The following GALK2 variants were observed in gnomAD, a reference collection of about 807,000 sequenced individuals.
GALK2 encodes the protein galactokinase 2.
GALK2 carries 36 observed loss-of-function variants against 52.4 expected under a neutral mutation model. The observed-to-expected ratio is 0.69, with a 90% CI of 0.53 to 0.91. The LOEUF is 0.91. Among genes scored for constraint, GALK2 ranks in the 40% least tolerant of loss-of-function variants. GALK2 has a pLI of 0.00. For synonymous variants in GALK2, 176 were observed against 199.1 expected (o/e 0.88, Z 0.98); for missense variants, 579 against 559.1 (o/e 1.04, Z -0.36).
chr15:49,163,460 C>T (rs1289405154), intron 1 of GALK2, among the ~76,000 whole-genome samples: 1 of 151,906 alleles, frequency 6.6e-6, no homozygotes, highest in Non-Finnish European at 1.5e-5. Context: ...ATAGTTTTAC[C>T]TCTTCCATTT....
intron 9 of GALK2, among the ~76,000 whole-genome samples, chr15:49,326,550 T>C (rs1315495848): frequency 1.3e-5 from 2 of 152,110 alleles, no homozygotes; most frequent in Admixed American, 1.3e-4. Flanking sequence ...GCACCCGGCA[T>C]GACAACCATT....
At chr15:49,366,595 C>T in intron 3 of GALK2, 1 of 1,600,686 alleles carries the variant, frequency 6.2e-7, no homozygotes, top group Non-Finnish European at 8.6e-7. Context: ...CAGACGCATG[C>T]AAGATTGCTT....
intron 3 of GALK2, chr15:49,366,506 G>A (rs1358696805): frequency 1.2e-5 from 16 of 1,316,476 alleles, no homozygotes; most frequent in African/African-American, 1.4e-5. Context: ...ACTAATGGAA[G>A]TTGCATTTTC....
intron 3 of GALK2, among the ~76,000 whole-genome samples, chr15:49,223,846 A>G (rs2089973592): frequency 6.6e-6 from 1 of 151,102 alleles, no homozygotes; most frequent in South Asian, 2.1e-4. Flanking sequence ...GCTTCAATGA[A>G]CATATGAGTG....
rs111322935 is a variant in GALK2, at chr15:49,203,979, G to A, written c.142+2729G>A. Among the ~76,000 whole-genome samples, 1,515 of 152,034 alleles carry A rather than the reference G, an allele frequency of 1.0e-2. 21 individuals carry two copies. The highest frequency in any genetic ancestry group is 0.035 in the African/African-American group (1,454 of 41,432). ...AAAATACAAAAATTAGCTGGGTGTGGTGGCACACACCTGTAATCCCAGCTA... is the reference window on the plus strand; with the variant it reads ...AAAATACAAAAATTAGCTGGGTGTGATGGCACACACCTGTAATCCCAGCTA... On this transcript the variant is annotated intron_variant, in intron 2 of 9. Coordinates refer to ENST00000560031, the MANE Select transcript of GALK2 (RefSeq NM_002044.4).
At chr15:49,157,056 A>G (rs2084481786) in intron 1 of GALK2, among the ~76,000 whole-genome samples, 2 of 152,350 alleles carry the variant, frequency 1.3e-5, no homozygotes, top group South Asian at 4.1e-4. Context: ...GGCATATTTC[A>G]TATGTACATG....
chr15:49,200,249 G>A (rs2087622261), intron 1 of GALK2, among the ~76,000 whole-genome samples: 1 of 152,098 alleles, frequency 6.6e-6, no homozygotes, highest in Non-Finnish European at 1.5e-5. Flanking sequence ...AGGGAAGAGA[G>A]GCCAAGAGAA....
At chr15:49,225,132 G>T in intron 3 of GALK2, 1 of 446,976 alleles carries the variant, frequency 2.2e-6, no homozygotes, top group South Asian at 1.6e-5. Flanking sequence ...GACCCTCTCA[G>T]CAGGTCTGTT....
At chr15:49,194,996 C>A in intron 1 of GALK2, 1 of 387,914 alleles carries the variant, frequency 2.6e-6, no homozygotes, top group Non-Finnish European at 5.0e-6. Context: ...TGTAAATTAA[C>A]TTTGGGAGAA....
intron 2 of GALK2, among the ~76,000 whole-genome samples, chr15:49,202,119 T>C (rs2087834034): frequency 6.6e-6 from 1 of 152,214 alleles, no homozygotes; most frequent in African/African-American, 2.4e-5. Context: ...TTCTCCTGCC[T>C]CAGCCTCCCG....
At chr15:49,235,749 A>C in intron 3 of GALK2, 102 bp from the exon 4 acceptor site, 1 of 799,830 alleles carries the variant, frequency 1.3e-6, no homozygotes. Context: ...GGTAAAGGAG[A>C]GTCAGTATCG....
intron 5 of GALK2, among the ~76,000 whole-genome samples, chr15:49,278,817 AATACTTG>A (rs2141740998): frequency 6.6e-6 from 1 of 152,374 alleles, no homozygotes; most frequent in African/African-American, 2.4e-5. Flanking sequence ...GCTGTGAAGA[AATACTTG>A]ATACTGGGTA....
At chr15:49,178,969 C>G (rs1325607143) in intron 1 of GALK2, among the ~76,000 whole-genome samples, 2 of 152,134 alleles carry the variant, frequency 1.3e-5, no homozygotes, top group Non-Finnish European at 2.9e-5. Flanking sequence ...CTCTTTAACT[C>G]TTTTCATTCT....
At chr15:49,257,265 G>A (rs1035840488) in intron 5 of GALK2, among the ~76,000 whole-genome samples, 1 of 152,130 alleles carries the variant, frequency 6.6e-6, no homozygotes, top group African/African-American at 2.4e-5. Context: ...TAGTAAAGTT[G>A]TCATAGTAAC....
chr15:49,228,688 T>TATATATATATGTATATA, intron 3 of GALK2, among the ~76,000 whole-genome samples: 1 of 10,448 alleles, frequency 9.6e-5, no homozygotes, highest in Non-Finnish European at 1.8e-4. Flanking sequence ...TATATATATA[T>TATATATATATGTATATA]TTTTTTTTTT....
At chr15:49,366,042 T>C in intron 3 of GALK2, 1 of 811,022 alleles carries the variant, frequency 1.2e-6, no homozygotes, top group South Asian at 1.3e-5. Flanking sequence ...AAGTTAGATA[T>C]TCTTCCTTTT....
chr15:49,225,212 G>A (rs1435109340), intron 3 of GALK2: 4 of 455,928 alleles, frequency 8.8e-6, no homozygotes, highest in South Asian at 1.5e-5. Flanking sequence ...TAGGTCTTCC[G>A]GGCTGCAGGG....
Position 49,192,997 on chromosome 15 carries a change from C to CTTTTT in GALK2, c.54-8149_54-8145dup, listed in dbSNP as rs35231463. The stretch of plus-strand genomic sequence containing the variant: ...TTTGTTATGAATTTTCTGTTTATAC[C>CTTTTT]TTTTTTTTTTTTTTTTTTTTGATGG... On this transcript the variant is annotated intron_variant, in intron 1 of 9. Transcript: ENST00000560031. Among the ~76,000 whole-genome samples the CTTTTT allele has an allele frequency of 7.5e-5, 5 of 67,076 alleles. 2 individuals are homozygous for CTTTTT. The highest frequency in any genetic ancestry group is 5.9e-5 in the Non-Finnish European group (2 of 33,650). The allele number at this position is 67,076 out of a possible 152,430, so 44.0% of individuals were successfully genotyped here. A position where few individuals can be genotyped will look rare whatever the true frequency, so the allele number is the denominator to read the frequency against.
chr15:49,171,584 A>T (rs764389209), intron 1 of GALK2, among the ~76,000 whole-genome samples: 2 of 152,172 alleles, frequency 1.3e-5, no homozygotes, highest in Non-Finnish European at 2.9e-5. Flanking sequence ...ATTTCTTATT[A>T]TAGAGTCCAG....
Sources: allele counts gnomAD v4.1 joint callset (sites outside exome capture counted in the v4.1 genomes callset), GRCh38; gene constraint gnomAD v4.1.1; transcripts MANE v1.5; gene names NCBI Gene and HGNC (gene_info 2026-07-23, HGNC 2026-07-21).